Variants in PTPRN observed in about 807,000 individuals in gnomAD.
PTPRN encodes the protein protein tyrosine phosphatase receptor type N.
PTPRN carries 70 observed loss-of-function variants against 108.5 expected under a neutral mutation model. That is an observed-to-expected ratio of 0.65 (90% CI 0.53 to 0.79). The LOEUF (loss-of-function observed/expected upper bound fraction) is 0.79. Among genes scored for constraint, PTPRN ranks in the 30% least tolerant of loss-of-function variants. The pLI is 0.00. For synonymous variants in PTPRN, 496 were observed against 524.6 expected (o/e 0.95, Z 0.75); for missense variants, 1,136 against 1,295.5 (o/e 0.88, Z 1.89).
In PTPRN at chr2:219,289,966, T is replaced by G. The variant is rs1574906463; in HGVS notation, c.*260A>C. Reference sequence around the variant, plus strand: ...AATGTAGGCAGGAGAAGGCTCTGGGTAGAATTGCTACCCATGTCCTTTCCT... The same window carrying G: ...AATGTAGGCAGGAGAAGGCTCTGGGGAGAATTGCTACCCATGTCCTTTCCT... On this transcript the variant is annotated 3_prime_UTR_variant, in exon 23 of 23. Coordinates refer to ENST00000295718, the MANE Select transcript of PTPRN (RefSeq NM_002846.4). 1 of 498,858 alleles carries G rather than the reference T, an allele frequency of 2.0e-6. No homozygotes were observed. Among genetic ancestry groups the G allele is most frequent in the Non-Finnish European group, 3.7e-6 (1 of 273,248 alleles). The allele number at this position is 498,858 out of a possible 1,614,324, so 30.9% of individuals were successfully genotyped here.
rs373647595 is a variant in PTPRN at position 219,290,592 on chromosome 2, G to A, written c.2814C>T (p.Ile938=). 2.9e-4 allele frequency: 448 copies of A among 1,551,694 alleles called. 1 individual carries two copies. The highest frequency in any genetic ancestry group is 3.7e-4 in the Non-Finnish European group (429 of 1,147,030). Residue 938 remains isoleucine, a synonymous_variant, in exon 22 of 23, where the codon ATC becomes ATT. Transcript: ENST00000295718. The surrounding 1 kb of genome is among the most constrained non-coding windows in gnomAD (Gnocchi z 4.2). Reference sequence around the variant, plus strand: ...CACGGACATGCTCCAGGGTGGCAGCGATGTCAATCTCCTTCACTCCTGGAG... The same window carrying A: ...CACGGACATGCTCCAGGGTGGCAGCAATGTCAATCTCCTTCACTCCTGGAG... ...RMAKGVKEID[I]AATLEHVRDQ...
At chr2:219,301,248 A>G (rs1003160684) in intron 7 of PTPRN, among the ~76,000 whole-genome samples, 7 of 152,156 alleles carry the variant, frequency 4.6e-5, no homozygotes, top group Non-Finnish European at 7.3e-5. Flanking sequence ...TTCTCTACCC[A>G]TCAATTACTG....
Position 219,296,005 on chromosome 2 carries a change from T to C in PTPRN, c.2508+221A>G, listed in dbSNP as rs79133925. The C allele has an allele frequency of 6.8e-3, 3,732 of 549,928 alleles. 22 individuals are homozygous for C. Among genetic ancestry groups the C allele is most frequent in the Non-Finnish European group, 6.4e-3 (2,045 of 320,606 alleles). 34.1% of individuals were successfully genotyped at this position (549,928 alleles called of 1,614,324 possible). On this transcript the variant is annotated intron_variant, in intron 18 of 22. Transcript: ENST00000295718. The surrounding 1 kb of genome is among the most constrained non-coding windows in gnomAD (Gnocchi z 6.0). ...ACACACACACACACACACACACACA[T>C]GTATGTTCTGTAAACAGGACACACA...
chr2:219,302,541 CT>C, intron 5 of PTPRN, 34 bp downstream of exon 5: 1 of 1,612,982 alleles, frequency 6.2e-7, no homozygotes, highest in Non-Finnish European at 8.5e-7. Flanking sequence ...GGCTGAGGGA[CT>C]GCGGTTGGGG....
At chr2:219,308,853 C>A in intron 1 of PTPRN, 1 of 1,326,010 alleles carries the variant, frequency 7.5e-7, no homozygotes, top group South Asian at 1.2e-5. Context: ...CGCCACCTCC[C>A]CTTCCCATTC....
intron 3 of PTPRN, among the ~76,000 whole-genome samples, chr2:219,306,551 GCTCC>G (rs1952488834): frequency 6.6e-6 from 1 of 152,124 alleles, no homozygotes; most frequent in Non-Finnish European, 1.5e-5. Flanking sequence ...GTGCCCCCAA[GCTCC>G]AAATCTTGTA....
chr2:219,303,368 A>G (rs573452405), intron 4 of PTPRN, among the ~76,000 whole-genome samples: 1 of 152,298 alleles, frequency 6.6e-6, no homozygotes, highest in African/African-American at 2.4e-5. Flanking sequence ...CCCTAACCAC[A>G]AAAAGATGAT....
chr2:219,290,378 G>T lies in PTPRN; in HGVS notation c.2869-81C>A. ...TCAAGATGGGGGGCTTTTGGTGGGG[G>T]GAGGGCCCTGGGCAGGTCCCCTGGG... is the stretch of plus-strand genomic sequence containing the variant. On this transcript the variant is annotated intron_variant, in intron 22 of 22. Coordinates refer to ENST00000295718, the MANE Select transcript of PTPRN (RefSeq NM_002846.4). The surrounding 1 kb of genome is among the most constrained non-coding windows in gnomAD (Gnocchi z 4.2). 1 of 1,388,106 alleles carries T rather than the reference G, an allele frequency of 7.2e-7. No homozygotes were observed. Among genetic ancestry groups the T allele is most frequent in the East Asian group, 2.4e-5 (1 of 41,640 alleles). The allele number at this position is 1,388,106 out of a possible 1,614,324, so 86.0% of individuals were successfully genotyped here.
chr2:219,308,025 T>C (rs1165470954), intron 1 of PTPRN, 183 bp from the exon 2 acceptor site: 1 of 622,952 alleles, frequency 1.6e-6, no homozygotes, highest in East Asian at 2.8e-5. Context: ...GGATCTTGTT[T>C]TGGATTTTAA....
intron 12 of PTPRN, 91 bp downstream of exon 12, chr2:219,298,956 G>C (rs932876443): frequency 2.4e-5 from 35 of 1,476,598 alleles, no homozygotes; most frequent in Non-Finnish European, 8.5e-6. Flanking sequence ...GACACGTTTC[G>C]GCTCCAGTTC....
At chr2:219,298,494 C>T (rs977394865) in intron 12 of PTPRN, among the ~76,000 whole-genome samples, 1 of 152,068 alleles carries the variant, frequency 6.6e-6, no homozygotes, top group Non-Finnish European at 1.5e-5. Context: ...CACCTGAGAT[C>T]GGGAGTTCGA....
chr2:219,294,908 G>A, intron 19 of PTPRN, 67 bp downstream of exon 19: 2 of 1,363,664 alleles, frequency 1.5e-6, no homozygotes, highest in African/African-American at 3.1e-5. Flanking sequence ...TCCAGGCCGA[G>A]CGGCGGGCGG....
Position 219,296,060 on chromosome 2 carries a change from A to G in PTPRN, c.2508+166T>C, listed in dbSNP as rs1037966576. On this transcript the variant is annotated intron_variant, in intron 18 of 22. Coordinates refer to ENST00000295718, the MANE Select transcript of PTPRN (RefSeq NM_002846.4). This position sits in a 1 kb window ranked among gnomAD's most constrained non-coding sequence, Gnocchi z 6.0. Reference sequence around the variant, plus strand: ...TATATATGTGAATATATGGGTATGCATATATGTGTTTATATATATTCATAT... The same window carrying G: ...TATATATGTGAATATATGGGTATGCGTATATGTGTTTATATATATTCATAT... 1.1e-5 allele frequency: 10 copies of G among 947,126 alleles called. No individual in the cohort carries two copies. Among genetic ancestry groups the G allele is most frequent in the African/African-American group, 3.3e-5 (2 of 60,404 alleles). The allele number at this position is 947,126 out of a possible 1,614,324, so 58.7% of individuals were successfully genotyped here.
At chr2:219,307,958 G>C (rs1952525680) in intron 1 of PTPRN, 116 bp from the exon 2 acceptor site, 2 of 1,013,828 alleles carry the variant, frequency 2.0e-6, no homozygotes, top group Admixed American at 2.0e-5. Flanking sequence ...TTCTAAAGAA[G>C]GCCTTAAGCT....
intron 19 of PTPRN, chr2:219,291,860 C>T (rs1952062068): frequency 2.6e-6 from 1 of 390,282 alleles, no homozygotes. Flanking sequence ...TGAGATAACC[C>T]ATGTAAAGAG....
intron 1 of PTPRN, among the ~76,000 whole-genome samples, chr2:219,308,683 C>G (rs1007022109): frequency 6.6e-6 from 1 of 152,008 alleles, no homozygotes; most frequent in Non-Finnish European, 1.5e-5. Flanking sequence ...TCCTCTTCTG[C>G]CCCCTCCCCG....
chr2:219,301,768 G>A (rs746302851), intron 6 of PTPRN, 49 bp from the exon 7 acceptor site: 8 of 1,571,282 alleles, frequency 5.1e-6, no homozygotes, highest in Non-Finnish European at 6.1e-6. Flanking sequence ...CAGTGAACTT[G>A]AGGGATGCAG....
rs1160296785 is a variant in PTPRN, at chr2:219,296,619, C to T, written c.2311-103G>A. ...AGGGTCTGAGAAGGCTGGCAGTTCC[C>T]CCTTGCTAGGATATCAGGCCCCACC... On this transcript the variant is annotated intron_variant, in intron 16 of 22. Coordinates refer to ENST00000295718, the MANE Select transcript of PTPRN (RefSeq NM_002846.4). The surrounding 1 kb of genome is among the most constrained non-coding windows in gnomAD (Gnocchi z 6.0). 2.0e-5 allele frequency: 32 copies of T among 1,563,168 alleles called. No individual in the cohort carries two copies. The highest frequency in any genetic ancestry group is 6.9e-5 in the Admixed American group (4 of 57,790).
rs746870525 is a variant in PTPRN at position 219,291,483 on chromosome 2, T to C, written c.2716A>G (p.Ile906Val). Residue 906 changes from isoleucine to valine, a missense_variant, in exon 20 of 23, where the codon ATC (isoleucine) becomes GTC (valine). Coordinates refer to ENST00000295718, the MANE Select transcript of PTPRN (RefSeq NM_002846.4). ...CTCTCCACCCACCTGCAGTGCACGA[T>C]GATGGGGCAGGAGCGGCCCCGGTAG... ...KCYRGRSCPIIVHCSDGAGRT... is the reference protein window; with the variant it reads ...KCYRGRSCPIVVHCSDGAGRT... 4 of 1,613,956 alleles carry C rather than the reference T, an allele frequency of 2.5e-6. No homozygotes were observed. The highest frequency in any genetic ancestry group is 3.3e-5 in the Admixed American group (2 of 60,018).
Sources: allele counts gnomAD v4.1 joint callset (sites outside exome capture counted in the v4.1 genomes callset), GRCh38; gene constraint gnomAD v4.1.1; non-coding constraint Gnocchi (gnomAD v3.1); transcripts MANE v1.5; gene names NCBI Gene and HGNC (gene_info 2026-07-23, HGNC 2026-07-21).